The following ATXN8OS variants were observed in gnomAD, a reference collection of about 807,000 sequenced individuals.
ATXN8OS encodes ATXN8 opposite strand (non-protein coding).
chr13:70,145,988 G>A (rs981970139), intron 3 of ATXN8OS, among the ~76,000 whole-genome samples: 5 of 142,164 alleles, frequency 3.5e-5, no homozygotes, highest in Non-Finnish European at 7.6e-5. Context: ...CTACAAAATG[G>A]GAGAAAATTT....
intron 2 of ATXN8OS, among the ~76,000 whole-genome samples, chr13:70,118,222 A>C (rs1408641614): frequency 6.6e-6 from 1 of 152,134 alleles, no homozygotes; most frequent in East Asian, 1.9e-4. Context: ...TTAATGAATA[A>C]GTAATTTAGA....
chr13:70,144,808 G>A (rs1417809761), intron 3 of ATXN8OS, among the ~76,000 whole-genome samples: 1 of 152,020 alleles, frequency 6.6e-6, no homozygotes, highest in African/African-American at 2.4e-5. Context: ...TTTTCTTCCA[G>A]GAGTTTAATA....
intron 4 of ATXN8OS, among the ~76,000 whole-genome samples, chr13:70,164,519 A>ATAAGG (rs1358812262): frequency 6.6e-6 from 1 of 152,084 alleles, no homozygotes; most frequent in Non-Finnish European, 1.5e-5. Flanking sequence ...ATATACAAAT[A>ATAAGG]TAAGGCAGGA....
intron 4 of ATXN8OS, among the ~76,000 whole-genome samples, chr13:70,155,772 A>ATTT (rs34936703): frequency 0.05 from 7,112 of 143,208 alleles, 314 homozygotes; most frequent in Middle Eastern, 0.14. Context: ...ACAATATTCC[A>ATTT]TTTTTTTTTT....
At chr13:70,114,826 A>ATAT (rs1566589155) in intron 1 of ATXN8OS, among the ~76,000 whole-genome samples, 1 of 152,140 alleles carries the variant, frequency 6.6e-6, no homozygotes, top group Non-Finnish European at 1.5e-5. Flanking sequence ...CTGGCCACTA[A>ATAT]TATTTTCTTA....
At chr13:70,135,160 A>C (rs1316843493) in intron 3 of ATXN8OS, among the ~76,000 whole-genome samples, 1 of 152,046 alleles carries the variant, frequency 6.6e-6, no homozygotes, top group Non-Finnish European at 1.5e-5. Flanking sequence ...CTTTATTATC[A>C]TTTTGAGTAT....
At position 70,139,383 on chromosome 13, in the gene ATXN8OS, A is replaced by ACTACTACTACTG; in HGVS notation, n.500-7970_500-7969insACTACTACTGCT. On this transcript the variant is annotated intron_variant and non_coding_transcript_variant, in intron 3 of 4. Transcript: ENST00000678624. ...TACTACTACTACTACTACTACTACT[A>ACTACTACTACTG]CTGCTGCTGCTGCTGCTGCTGCTGC... 1,308 of 458,070 alleles carry ACTACTACTACTG rather than the reference A, an allele frequency of 2.9e-3. 4 individuals carry two copies. The highest frequency in any genetic ancestry group is 4.2e-3 in the Non-Finnish European group (1,142 of 270,596). 28.4% of individuals were successfully genotyped at this position (458,070 alleles called of 1,614,324 possible). A position where few individuals can be genotyped will look rare whatever the true frequency, so the allele number is the denominator to read the frequency against.
chr13:70,169,386 T>G (rs1161181435), intron 4 of ATXN8OS, among the ~76,000 whole-genome samples: 1 of 152,078 alleles, frequency 6.6e-6, no homozygotes, highest in Non-Finnish European at 1.5e-5. Context: ...AACCTCCACC[T>G]GCTGGGTTCA....
At chr13:70,132,514 A>G (rs1888548183) in intron 3 of ATXN8OS, among the ~76,000 whole-genome samples, 1 of 151,986 alleles carries the variant, frequency 6.6e-6, no homozygotes, top group Non-Finnish European at 1.5e-5. Context: ...CTTGGGTACT[A>G]CGCTCACCTC....
At chr13:70,143,595 G>C (rs1346193232) in intron 3 of ATXN8OS, among the ~76,000 whole-genome samples, 1 of 152,162 alleles carries the variant, frequency 6.6e-6, no homozygotes, top group Non-Finnish European at 1.5e-5. Context: ...GTGTGTACCT[G>C]TATGTGTGTA....
intron 4 of ATXN8OS, among the ~76,000 whole-genome samples, chr13:70,154,846 C>CT (rs1888917053): frequency 6.6e-6 from 1 of 152,250 alleles, no homozygotes; most frequent in Admixed American, 6.5e-5. Context: ...TGAACTACAG[C>CT]TGCCTGGGCA....
At position 70,122,426 on chromosome 13, in the gene ATXN8OS, T is replaced by C. The variant is rs144771397; in HGVS notation, n.398+7128T>C. On this transcript the variant is annotated intron_variant and non_coding_transcript_variant, in intron 2 of 4. Coordinates refer to ENST00000678624, the Ensembl canonical transcript of ATXN8OS. ...TACAGCTCTAAATAAAATGTTATTG[T>C]AAATACTTATAAATCCTTGAAAATT... Among the ~76,000 whole-genome samples, 11 of 152,138 alleles carry C rather than the reference T, an allele frequency of 7.2e-5. No individual in the cohort carries two copies. In the East Asian group the frequency reaches 2.1e-3, roughly 29 times the overall value.
At position 70,167,485 on chromosome 13, in the gene ATXN8OS, G is replaced by T. The variant is rs528380982; in HGVS notation, n.574-2268G>T. On this transcript the variant is annotated intron_variant and non_coding_transcript_variant, in intron 4 of 4. Transcript: ENST00000678624. ...TGAGAACACATGGACACAGGAAGGG[G>T]AACATCACACTCTGGGGACTGTTGT... Among the ~76,000 whole-genome samples the T allele has an allele frequency of 2.0e-5, 3 of 151,938 alleles. No individual in the cohort carries two copies. The South Asian group carries it at 6.2e-4, about 32-fold the overall frequency.
chr13:70,149,131 A>C (rs543724423), intron 4 of ATXN8OS, among the ~76,000 whole-genome samples: 10 of 152,220 alleles, frequency 6.6e-5, no homozygotes, highest in African/African-American at 2.2e-4. Context: ...ATTTAATATT[A>C]ATTGTTTTGC....
intron 2 of ATXN8OS, among the ~76,000 whole-genome samples, chr13:70,129,095 G>A (rs994675509): frequency 3.0e-4 from 45 of 152,026 alleles, no homozygotes; most frequent in African/African-American, 1.0e-3. Context: ...CCTGACCTCA[G>A]ACGATCCACC....
At chr13:70,136,294 T>C (rs2137487584) in intron 3 of ATXN8OS, among the ~76,000 whole-genome samples, 1 of 152,286 alleles carries the variant, frequency 6.6e-6, no homozygotes, top group East Asian at 1.9e-4. Flanking sequence ...AGTACAGGGA[T>C]AGCCTCAGAC....
intron 4 of ATXN8OS, among the ~76,000 whole-genome samples, chr13:70,167,723 CTTT>C (rs4053603): frequency 0.014 from 856 of 61,640 alleles, 1 homozygote; most frequent in Non-Finnish European, 0.02. Context: ...TATGTAACTT[CTTT>C]TTTTTTTTTT....
chr13:70,147,195 C>A (rs957566706), intron 3 of ATXN8OS, among the ~76,000 whole-genome samples: 2 of 152,018 alleles, frequency 1.3e-5, no homozygotes. Context: ...AAGGGACTTG[C>A]GTTCTAGAAA....
upstream of ATXN8OS, chr13:70,107,764 G>T: frequency 1.6e-6 from 2 of 1,279,432 alleles, no homozygotes; most frequent in Non-Finnish European, 1.1e-6. Flanking sequence ...GCAGGTGGGG[G>T]AGGACAGCGG....
Sources: gnomAD v4.1 joint callset for allele counts (sites outside exome capture counted in the v4.1 genomes callset) on GRCh38, gnomAD v4.1.1 for gene constraint, MANE v1.5 for transcripts, NCBI Gene and HGNC (gene_info 2026-07-23, HGNC 2026-07-21) for gene names.